The following FAM107A variants were observed in gnomAD, a reference collection of about 807,000 sequenced individuals.
The protein encoded by FAM107A is actin-associated protein FAM107A.
A neutral mutation model predicts 13.7 loss-of-function variants in FAM107A; 19 were observed. The ratio of observed to expected loss-of-function variants is 1.38; its 90% CI spans 0.97 to 2.03. The LOEUF is 2.03. Among genes scored for constraint, FAM107A ranks in the 30% most tolerant of loss-of-function variants. The probability of loss-of-function intolerance (pLI) is 0.00; values close to 1 mark genes in which losing one functional copy is unlikely to be tolerated. For missense variants in FAM107A, 203 were observed against 184.4 expected (o/e 1.10, Z -0.58); for synonymous variants, 82 against 74.5 (o/e 1.10, Z -0.52).
intron 1 of FAM107A, among the ~76,000 whole-genome samples, chr3:58,593,117 C>A (rs1235856435): frequency 6.6e-6 from 1 of 152,250 alleles, no homozygotes; most frequent in East Asian, 1.9e-4. Context: ...TTGGGTTCAC[C>A]GTTCCAGAAT....
chr3:58,572,359 A>G (rs1032449459), intron 1 of FAM107A, among the ~76,000 whole-genome samples: 1 of 152,140 alleles, frequency 6.6e-6, no homozygotes, highest in Non-Finnish European at 1.5e-5. Flanking sequence ...AGGCTCCCAT[A>G]GAGACTAAGG....
chr3:58,611,547 C>T (rs2065854203), intron 1 of FAM107A, among the ~76,000 whole-genome samples: 1 of 152,220 alleles, frequency 6.6e-6, no homozygotes, highest in Admixed American at 6.5e-5. Context: ...GCCTTGACAA[C>T]TTGGTTGAGA....
At chr3:58,580,555 C>T (rs7635057), upstream of FAM107A, among the ~76,000 whole-genome samples, 34,244 of 151,660 alleles carry the variant, frequency 0.23, 4,614 homozygotes, top group East Asian at 0.48. Flanking sequence ...GCTGAGACTA[C>T]AGACACATGC....
At chr3:58,572,281 C>A (rs2063691794) in intron 1 of FAM107A, among the ~76,000 whole-genome samples, 1 of 152,166 alleles carries the variant, frequency 6.6e-6, no homozygotes, top group Non-Finnish European at 1.5e-5. Context: ...AGAACCCACA[C>A]TCTGCTGGGG....
upstream of FAM107A, among the ~76,000 whole-genome samples, chr3:58,591,243 G>C (rs2065652171): frequency 6.6e-6 from 1 of 152,144 alleles, no homozygotes; most frequent in African/African-American, 2.4e-5. This position sits in a 1 kb window ranked among gnomAD's most constrained non-coding sequence, Gnocchi z 4.3. Flanking sequence ...GTGGCAAGTG[G>C]GGACCACCTG....
upstream of FAM107A, among the ~76,000 whole-genome samples, chr3:58,578,560 T>A (rs2063748654): frequency 6.6e-6 from 1 of 152,074 alleles, no homozygotes; most frequent in Non-Finnish European, 1.5e-5. Flanking sequence ...AGAGCAAGAC[T>A]GTCTCAAAAA....
chr3:58,626,871 C>CA, intron 1 of FAM107A: 1 of 1,195,918 alleles, frequency 8.4e-7, no homozygotes, highest in Non-Finnish European at 1.2e-6. Context: ...TGGGCACTGC[C>CA]GGCTGAAGCT....
rs2108039674 is a variant in FAM107A, at chr3:58,569,579, T to C, written c.170+112A>G. Reference sequence around the variant, plus strand: ...TGTGGGGCACCTCAGCCTTCCTCAGTCTCCAGGAGCCCCAGGATGAAAGCC... The same window carrying C: ...TGTGGGGCACCTCAGCCTTCCTCAGCCTCCAGGAGCCCCAGGATGAAAGCC... On this transcript the variant is annotated intron_variant, in intron 2 of 3. Transcript: ENST00000360997. This position sits in a 1 kb window ranked among gnomAD's most constrained non-coding sequence, Gnocchi z 5.7. 1 of 894,578 alleles carries C rather than the reference T, an allele frequency of 1.1e-6. No homozygotes were observed. Among genetic ancestry groups the C allele is most frequent in the Non-Finnish European group, 1.7e-6 (1 of 584,148 alleles). 55.4% of individuals were successfully genotyped at this position (894,578 alleles called of 1,614,324 possible). A position where few individuals can be genotyped will look rare whatever the true frequency, so the allele number is the denominator to read the frequency against.
intron 1 of FAM107A, among the ~76,000 whole-genome samples, chr3:58,610,901 C>G (rs1291979047): frequency 6.6e-6 from 1 of 152,170 alleles, no homozygotes; most frequent in Non-Finnish European, 1.5e-5. Flanking sequence ...TATGTCCCCA[C>G]CCAAATCTCA....
chr3:58,620,159 G>A (rs899604976), intron 1 of FAM107A, among the ~76,000 whole-genome samples: 3 of 152,182 alleles, frequency 2.0e-5, no homozygotes, highest in African/African-American at 7.2e-5. Flanking sequence ...TTCCCTCATG[G>A]ATAAATCACA....
chr3:58,626,900 G>T, intron 1 of FAM107A: 1 of 1,465,562 alleles, frequency 6.8e-7, no homozygotes, highest in African/African-American at 1.4e-5. Flanking sequence ...GGTGGGTCGG[G>T]GCTCCCACTT....
intron 1 of FAM107A, among the ~76,000 whole-genome samples, chr3:58,600,998 C>T (rs929657228): frequency 5.3e-5 from 8 of 152,076 alleles, no homozygotes; most frequent in East Asian, 1.9e-4. Flanking sequence ...TCAGGTTCCT[C>T]GTGTATAAAA....
chr3:58,576,449 A>G (rs2063731523), intron 1 of FAM107A, among the ~76,000 whole-genome samples: 1 of 152,236 alleles, frequency 6.6e-6, no homozygotes, highest in African/African-American at 2.4e-5. Flanking sequence ...TAGTGGCATG[A>G]TGTCAGCCAC....
Position 58,564,840 on chromosome 3 carries a change from C to A in FAM107A, c.*1748G>T, listed in dbSNP as rs2063604027. On this transcript the variant is annotated 3_prime_UTR_variant, in exon 4 of 4. Coordinates refer to ENST00000360997, the MANE Select transcript of FAM107A (RefSeq NM_001076778.3). The surrounding 1 kb of genome is among the most constrained non-coding windows in gnomAD (Gnocchi z 5.6). ...CAGCACGCCAGTCACATTCAGGAGC[C>A]TCTTGGAGCTTGACTTATACACACG... 1 of 152,292 alleles carries A rather than the reference C, an allele frequency of 6.6e-6. No individual in the cohort carries two copies. The highest frequency in any genetic ancestry group is 1.5e-5 in the Non-Finnish European group (1 of 68,064). 9.4% of individuals were successfully genotyped at this position (152,292 alleles called of 1,614,324 possible). A position where few individuals can be genotyped will look rare whatever the true frequency, so the allele number is the denominator to read the frequency against.
intron 1 of FAM107A, among the ~76,000 whole-genome samples, chr3:58,595,352 A>T (rs543994552): frequency 6.6e-6 from 1 of 152,328 alleles, no homozygotes; most frequent in South Asian, 2.1e-4. Context: ...GCACCTGAAG[A>T]TCCACAGAAG....
At chr3:58,597,579 T>C (rs954323482) in intron 1 of FAM107A, among the ~76,000 whole-genome samples, 2 of 152,234 alleles carry the variant, frequency 1.3e-5, no homozygotes, top group African/African-American at 4.8e-5. Context: ...GTGTCTGCAA[T>C]GCCTAGCACA....
intron 2 of FAM107A, 47 bp from the exon 3 acceptor site, chr3:58,567,411 T>C (rs529735112): frequency 1.3e-6 from 2 of 1,569,170 alleles, no homozygotes; most frequent in East Asian, 2.3e-5. Flanking sequence ...ACCTTCCCGC[T>C]TCCCCCAGCC....
At chr3:58,614,396 ACT>A in intron 1 of FAM107A, among the ~76,000 whole-genome samples, 1 of 151,998 alleles carries the variant, frequency 6.6e-6, no homozygotes, top group Admixed American at 6.5e-5. Flanking sequence ...TGTCTAGAAG[ACT>A]CTGCCTGAAC....
At chr3:58,578,804 G>C (rs1208048865), upstream of FAM107A, among the ~76,000 whole-genome samples, 1 of 152,210 alleles carries the variant, frequency 6.6e-6, no homozygotes, top group Non-Finnish European at 1.5e-5. Flanking sequence ...CTTTCTCATG[G>C]AGTCTTGGTT....
Sources: gnomAD v4.1 joint callset for allele counts (sites outside exome capture counted in the v4.1 genomes callset) on GRCh38, gnomAD v4.1.1 for gene constraint, Gnocchi (gnomAD v3.1) non-coding constraint, MANE v1.5 for transcripts, NCBI Gene and HGNC (gene_info 2026-07-23, HGNC 2026-07-21) for gene names.